Variants in PKNOX2 observed in about 807,000 individuals in gnomAD.
PKNOX2 encodes the protein homeobox protein PKNOX2.
In PKNOX2, 14 loss-of-function variants were observed where a neutral mutation model predicts 53.1. That is an observed-to-expected ratio of 0.26 (90% CI 0.17 to 0.41). PKNOX2 has a LOEUF of 0.41. PKNOX2 is among the 10% of genes least tolerant of loss of function. The probability of loss-of-function intolerance (pLI) is 1.00; values close to 1 mark genes in which losing one functional copy is unlikely to be tolerated. For synonymous variants in PKNOX2, 257 were observed against 242.8 expected (o/e 1.06, Z -0.54); for missense variants, 496 against 602.8 (o/e 0.82, Z 1.85).
chr11:125,328,512 T>A (rs562215749), intron 2 of PKNOX2, among the ~76,000 whole-genome samples: 11,214 of 152,014 alleles, frequency 0.074, 636 homozygotes, highest in African/African-American at 0.16. Flanking sequence ...CCTTCCCAGG[T>A]ACAGGGCAGG....
intron 5 of PKNOX2, among the ~76,000 whole-genome samples, chr11:125,378,357 G>C (rs955224976): frequency 6.6e-6 from 1 of 152,236 alleles, no homozygotes; most frequent in African/African-American, 2.4e-5. Flanking sequence ...CTCTGGTCCT[G>C]CTGGCCCATG....
intron 7 of PKNOX2, 135 bp from the exon 8 acceptor site, chr11:125,410,061 G>T: frequency 8.2e-7 from 1 of 1,222,702 alleles, no homozygotes; most frequent in East Asian, 2.5e-5. Flanking sequence ...GTTGCCTTCT[G>T]GACCTGGGTC....
At chr11:125,296,687 G>C (rs996213659) in intron 2 of PKNOX2, among the ~76,000 whole-genome samples, 1 of 152,098 alleles carries the variant, frequency 6.6e-6, no homozygotes, top group African/African-American at 2.4e-5. Flanking sequence ...CCAGGCTGGA[G>C]TGCAATGGCG....
chr11:125,401,895 C>T (rs1330678666), intron 7 of PKNOX2, among the ~76,000 whole-genome samples: 1 of 152,164 alleles, frequency 6.6e-6, no homozygotes, highest in South Asian at 2.1e-4. Context: ...GGTGTCTCCC[C>T]TCTGGAACAT....
At chr11:125,229,776 AG>A (rs1189186512) in intron 1 of PKNOX2, among the ~76,000 whole-genome samples, 9 of 152,056 alleles carry the variant, frequency 5.9e-5, no homozygotes, top group African/African-American at 2.2e-4. Flanking sequence ...CCATGGGGCC[AG>A]GGGGGGCTTG....
At chr11:125,382,507 C>T (rs1228743413) in intron 5 of PKNOX2, among the ~76,000 whole-genome samples, 2 of 152,148 alleles carry the variant, frequency 1.3e-5, no homozygotes, top group African/African-American at 4.8e-5. Context: ...TCGATTTGTG[C>T]CTTTCATTCC....
At chr11:125,293,553 A>G (rs182054916) in intron 2 of PKNOX2, among the ~76,000 whole-genome samples, 1 of 152,164 alleles carries the variant, frequency 6.6e-6, no homozygotes, top group African/African-American at 2.4e-5. Flanking sequence ...CAGGTCTTGC[A>G]TCTGGCAGCC....
At chr11:125,282,669 C>T (rs1053135302) in intron 2 of PKNOX2, among the ~76,000 whole-genome samples, 2 of 152,204 alleles carry the variant, frequency 1.3e-5, no homozygotes, top group African/African-American at 4.8e-5. Flanking sequence ...TTATAGGTAT[C>T]CGGCTTTGTT....
chr11:125,373,644 G>A (rs557878344), intron 5 of PKNOX2, among the ~76,000 whole-genome samples: 1 of 152,354 alleles, frequency 6.6e-6, no homozygotes, highest in Admixed American at 6.5e-5. Context: ...CTGAGAGGCG[G>A]CGCAGCAAGA....
rs1396129509 is a variant in PKNOX2, at chr11:125,379,250, C to G, written c.228-6301C>G. On this transcript the variant is annotated intron_variant, in intron 5 of 12. Transcript: ENST00000298282. ...TAATTTTTTGTATTTTTAGTAGAGA[C>G]AGGGTTTCACCATGTTGACCAGGCT... Among the ~76,000 whole-genome samples the G allele has an allele frequency of 2.6e-5, 4 of 151,906 alleles. No individual in the cohort carries two copies. The East Asian group carries it at 7.8e-4, about 30-fold the overall frequency.
intron 2 of PKNOX2, among the ~76,000 whole-genome samples, chr11:125,288,451 G>A (rs1947062462): frequency 6.6e-6 from 1 of 152,196 alleles, no homozygotes; most frequent in Non-Finnish European, 1.5e-5. Flanking sequence ...TGAGGCCGTG[G>A]TGAGCCCGAG....
At chr11:125,288,190 A>T (rs1947042386) in intron 2 of PKNOX2, 1 of 152,230 alleles carries the variant, frequency 6.6e-6, no homozygotes, top group African/African-American at 2.4e-5. Flanking sequence ...TTTCTGTCCA[A>T]ATGAGAAGAT....
At chr11:125,282,726 C>T (rs879606973) in intron 2 of PKNOX2, among the ~76,000 whole-genome samples, 3 of 152,210 alleles carry the variant, frequency 2.0e-5, no homozygotes, top group Admixed American at 2.0e-4. Context: ...TAGACTAGTG[C>T]TGTCCAGTAA....
rs532417093 is a variant in PKNOX2, at chr11:125,245,118, C to T, written c.-130+10003C>T. Among the ~76,000 whole-genome samples, 12 of 152,288 alleles carry T rather than the reference C, an allele frequency of 7.9e-5. No individual in the cohort carries two copies. The South Asian group carries it at 2.5e-3, about 32-fold the overall frequency. ...CTCTCCCTGGGGGAGACCTTCCATG[C>T]TGGAAGGTGTGTGTTTTATCCTGAA... On this transcript the variant is annotated intron_variant, in intron 2 of 12. Coordinates refer to ENST00000298282, the MANE Select transcript of PKNOX2 (RefSeq NM_001382323.2).
intron 2 of PKNOX2, among the ~76,000 whole-genome samples, chr11:125,331,340 C>A (rs1950131742): frequency 6.6e-6 from 1 of 151,774 alleles, no homozygotes; most frequent in African/African-American, 2.4e-5. Context: ...CCCCACCCAC[C>A]CTAACCCCTC....
chr11:125,302,700 G>A (rs1243247916), intron 2 of PKNOX2, among the ~76,000 whole-genome samples: 2 of 152,214 alleles, frequency 1.3e-5, no homozygotes, highest in Non-Finnish European at 2.9e-5. Context: ...TAACGGGAAA[G>A]CAGAGAGCAG....
At chr11:125,249,396 G>T (rs971949352) in intron 2 of PKNOX2, among the ~76,000 whole-genome samples, 1 of 152,102 alleles carries the variant, frequency 6.6e-6, no homozygotes, top group Non-Finnish European at 1.5e-5. Context: ...GTATCCATAG[G>T]TTCCACATCC....
chr11:125,375,293 C>A (rs987957181), intron 5 of PKNOX2, among the ~76,000 whole-genome samples: 1 of 152,040 alleles, frequency 6.6e-6, no homozygotes, highest in Non-Finnish European at 1.5e-5. Flanking sequence ...GGAAACTCAC[C>A]GGATAAAGCA....
At chr11:125,307,820 T>G (rs1454318066) in intron 2 of PKNOX2, among the ~76,000 whole-genome samples, 2 of 152,212 alleles carry the variant, frequency 1.3e-5, no homozygotes, top group Non-Finnish European at 2.9e-5. Flanking sequence ...AGAAACCCTT[T>G]CTACCCTCAA....
Sources: gnomAD v4.1 joint callset for allele counts (sites outside exome capture counted in the v4.1 genomes callset) on GRCh38, gnomAD v4.1.1 for gene constraint, MANE v1.5 for transcripts, NCBI Gene and HGNC (gene_info 2026-07-23, HGNC 2026-07-21) for gene names.